The following RAB31 variants were observed in gnomAD, a reference collection of about 807,000 sequenced individuals.
RAB31 encodes ras-related protein Rab-31.
In RAB31, 21 loss-of-function variants were observed where a neutral mutation model predicts 25.6. The observed-to-expected ratio is 0.82, with a 90% CI of 0.58 to 1.18. The LOEUF is 1.18. RAB31 is among the 50% of genes most tolerant of loss of function. The pLI is 0.00. For missense variants in RAB31, 196 were observed against 250.1 expected (o/e 0.78, Z 1.46); for synonymous variants, 87 against 84.0 (o/e 1.04, Z -0.20).
chr18:9,799,769 C>T (rs543530612), intron 3 of RAB31, among the ~76,000 whole-genome samples: 28 of 152,160 alleles, frequency 1.8e-4, no homozygotes, highest in Non-Finnish European at 4.0e-4. Context: ...TCATAGGGTG[C>T]ATCTATTAAC....
chr18:9,760,932 A>G (rs778364341), intron 1 of RAB31, among the ~76,000 whole-genome samples: 5 of 152,150 alleles, frequency 3.3e-5, no homozygotes, highest in Non-Finnish European at 7.4e-5. Flanking sequence ...AGCTGTTTTA[A>G]TGGCTACTCA....
chr18:9,776,260 G>C (rs1185742620), intron 2 of RAB31, among the ~76,000 whole-genome samples: 1 of 152,192 alleles, frequency 6.6e-6, no homozygotes, highest in East Asian at 1.9e-4. Context: ...TTCGGGAAGT[G>C]CCTGCTTTTT....
chr18:9,714,508 AG>A (rs1295080530), intron 1 of RAB31, among the ~76,000 whole-genome samples: 3 of 152,214 alleles, frequency 2.0e-5, no homozygotes, highest in Non-Finnish European at 4.4e-5. Context: ...GTACCGCCCC[AG>A]GGGTTGGGGA....
chr18:9,838,083 G>A (rs2068714123), intron 5 of RAB31, among the ~76,000 whole-genome samples: 1 of 152,182 alleles, frequency 6.6e-6, no homozygotes, highest in Non-Finnish European at 1.5e-5. Context: ...CTTATGGTGT[G>A]CCCGGCATTA....
At position 9,721,799 on chromosome 18, in the gene RAB31, G is replaced by A. The variant is rs764753150; in HGVS notation, c.39+13355G>A. ...TGATATTCTAGTAGGGGTGACAGGC[G>A]GTGCACAAATACCGAGTGTGGCAGA... is the stretch of plus-strand genomic sequence containing the variant. On this transcript the variant is annotated intron_variant, in intron 1 of 6. Coordinates refer to ENST00000578921, the MANE Select transcript of RAB31 (RefSeq NM_006868.4). Among the ~76,000 whole-genome samples, 6 of 152,146 alleles carry A rather than the reference G, an allele frequency of 3.9e-5. No individual in the cohort carries two copies. In the East Asian group the frequency reaches 5.8e-4, roughly 15 times the overall value.
At chr18:9,830,971 T>G (rs2068675242) in intron 5 of RAB31, among the ~76,000 whole-genome samples, 1 of 152,246 alleles carries the variant, frequency 6.6e-6, no homozygotes, top group Non-Finnish European at 1.5e-5. Flanking sequence ...ACCTGCAGTA[T>G]TAGCTGTCAT....
chr18:9,778,297 G>A (rs991318744), intron 2 of RAB31, among the ~76,000 whole-genome samples: 3 of 152,096 alleles, frequency 2.0e-5, no homozygotes, highest in Admixed American at 2.0e-4. Flanking sequence ...GGTCGGGGAT[G>A]GATTGCTGCT....
intron 3 of RAB31, among the ~76,000 whole-genome samples, chr18:9,812,094 G>C (rs1242307730): frequency 2.6e-5 from 4 of 152,168 alleles, no homozygotes; most frequent in African/African-American, 9.7e-5. Flanking sequence ...AGGGAGAGAA[G>C]GGAGATCTGG....
intron 1 of RAB31, among the ~76,000 whole-genome samples, chr18:9,732,786 C>T (rs1210472044): frequency 6.6e-6 from 1 of 152,210 alleles, no homozygotes; most frequent in East Asian, 1.9e-4. Flanking sequence ...TTTCCTCATG[C>T]AACAGTATTG....
At chr18:9,810,646 G>A (rs888415357) in intron 3 of RAB31, among the ~76,000 whole-genome samples, 5 of 152,146 alleles carry the variant, frequency 3.3e-5, no homozygotes, top group African/African-American at 1.2e-4. Context: ...TACCAAGATC[G>A]CTTCAATAAT....
chr18:9,820,458 T>G (rs187381173), intron 5 of RAB31, among the ~76,000 whole-genome samples: 492 of 152,162 alleles, frequency 3.2e-3, no homozygotes, highest in Non-Finnish European at 4.9e-3. Flanking sequence ...TAGTCTGTAG[T>G]TTCCATTTCT....
At chr18:9,757,220 C>T (rs1599026299) in intron 1 of RAB31, among the ~76,000 whole-genome samples, 8 of 152,290 alleles carry the variant, frequency 5.3e-5, no homozygotes, top group Admixed American at 5.2e-4. Context: ...AGAAACATCT[C>T]AAAACAGCAG....
At chr18:9,741,813 C>T (rs534889718) in intron 1 of RAB31, among the ~76,000 whole-genome samples, 1 of 152,326 alleles carries the variant, frequency 6.6e-6, no homozygotes, top group Non-Finnish European at 1.5e-5. Context: ...TGGAAATGCT[C>T]GCCTCACTTC....
rs538892034 is a variant in RAB31, at chr18:9,853,303, TA to T, written c.491-5917del. On this transcript the variant is annotated intron_variant, in intron 6 of 6. Coordinates refer to ENST00000578921, the MANE Select transcript of RAB31 (RefSeq NM_006868.4). ...GTCTTATAATTTCTAAATGTTAAAA[TA>T]AAAAAAATTAAAGGGATACATCCAT... Among the ~76,000 whole-genome samples, 160 of 151,628 alleles carry T rather than the reference TA, an allele frequency of 1.1e-3. 1 individual carries two copies. The highest frequency in any genetic ancestry group is 1.7e-3 in the Non-Finnish European group (114 of 67,860).
At position 9,822,005 on chromosome 18, in the gene RAB31, C is replaced by G. The variant is rs995258706; in HGVS notation, c.380+6783C>G. On this transcript the variant is annotated intron_variant, in intron 5 of 6. Coordinates refer to ENST00000578921, the MANE Select transcript of RAB31 (RefSeq NM_006868.4). ...AATCACAGACACTGAATAGCTAAAA[C>G]GATATTGACAAAGAAGAATATAATG... Among the ~76,000 whole-genome samples the G allele has an allele frequency of 2.0e-5, 3 of 151,984 alleles. No individual in the cohort carries two copies. The South Asian group carries it at 6.2e-4, about 31-fold the overall frequency.
At chr18:9,740,558 C>CAA (rs2068172890) in intron 1 of RAB31, among the ~76,000 whole-genome samples, 1 of 151,918 alleles carries the variant, frequency 6.6e-6, no homozygotes, top group Non-Finnish European at 1.5e-5. Context: ...ACTAAAAATG[C>CAA]AAAAATTAGC....
intron 5 of RAB31, among the ~76,000 whole-genome samples, chr18:9,834,218 C>T (rs2068693297): frequency 6.6e-6 from 1 of 152,114 alleles, no homozygotes; most frequent in Non-Finnish European, 1.5e-5. Flanking sequence ...CAAGTTCAAG[C>T]AAAACTCTTG....
chr18:9,723,336 C>A (rs1387137619), intron 1 of RAB31, among the ~76,000 whole-genome samples: 1 of 152,130 alleles, frequency 6.6e-6, no homozygotes, highest in Non-Finnish European at 1.5e-5. Context: ...GCGTGAGCCA[C>A]CGTGCCTGGC....
At chr18:9,836,798 G>A (rs62081243) in intron 5 of RAB31, among the ~76,000 whole-genome samples, 9 of 144,586 alleles carry the variant, frequency 6.2e-5, no homozygotes, top group South Asian at 2.2e-4. Context: ...TGTGAGGAAC[G>A]GGGTGAAACA....
Sources: allele counts gnomAD v4.1 joint callset (sites outside exome capture counted in the v4.1 genomes callset), GRCh38; gene constraint gnomAD v4.1.1; transcripts MANE v1.5; gene names NCBI Gene and HGNC (gene_info 2026-07-23, HGNC 2026-07-21).